GLI3: variants seen among roughly 807,000 people sequenced by gnomAD.
GLI3 encodes the protein transcription activator GLI3.
In GLI3, 20 loss-of-function variants were observed where a neutral mutation model predicts 100.8. The observed-to-expected ratio is 0.20, with a 90% CI of 0.14 to 0.29. The LOEUF is 0.29. Ranked by LOEUF, GLI3 falls within the 10% of genes least tolerant of loss-of-function variation. The pLI is 1.00. For missense variants in GLI3, 2,040 were observed against 2,128.5 expected (o/e 0.96, Z 0.82); for synonymous variants, 938 against 860.5 (o/e 1.09, Z -1.58).
At chr7:42,258,638 T>A (rs1397666739) in intron 1 of GLI3, among the ~76,000 whole-genome samples, 4 of 152,224 alleles carry the variant, frequency 2.6e-5, no homozygotes, top group Non-Finnish European at 4.4e-5. Context: ...CTCTGGAGGC[T>A]GAGAAGTCCA....
intron 2 of GLI3, among the ~76,000 whole-genome samples, chr7:42,166,005 T>C (rs1443695584): frequency 1.3e-4 from 20 of 152,130 alleles, no homozygotes. Context: ...ATGCTCCCCT[T>C]CCTAAAAATC....
At chr7:42,141,566 G>A (rs1338211539) in intron 3 of GLI3, among the ~76,000 whole-genome samples, 2 of 152,148 alleles carry the variant, frequency 1.3e-5, no homozygotes, top group Non-Finnish European at 2.9e-5. Flanking sequence ...CAGCTGCTTG[G>A]GAGGTAGAGG....
At chr7:42,047,686 T>A (rs1008284403) in intron 5 of GLI3, among the ~76,000 whole-genome samples, 1 of 152,138 alleles carries the variant, frequency 6.6e-6, no homozygotes, top group African/African-American at 2.4e-5. Flanking sequence ...TGGAAAGTAA[T>A]GGGGGGACTA....
intron 1 of GLI3, among the ~76,000 whole-genome samples, chr7:42,225,444 C>T (rs985644911): frequency 6.6e-6 from 1 of 152,216 alleles, no homozygotes; most frequent in Non-Finnish European, 1.5e-5. Flanking sequence ...ACTGCAACCT[C>T]TGCCTCCCAG....
At chr7:42,107,825 G>C (rs1045925106) in intron 3 of GLI3, among the ~76,000 whole-genome samples, 2 of 152,160 alleles carry the variant, frequency 1.3e-5, no homozygotes, top group East Asian at 3.9e-4. Flanking sequence ...TCAGCAACGC[G>C]ACCTGTGTTT....
At chr7:42,173,151 T>G (rs1787410794) in intron 2 of GLI3, among the ~76,000 whole-genome samples, 1 of 152,218 alleles carries the variant, frequency 6.6e-6, no homozygotes, top group Non-Finnish European at 1.5e-5. Flanking sequence ...AAATACTTGA[T>G]GCCTGGCTGA....
chr7:42,203,181 A>G (rs1426065341), intron 2 of GLI3, among the ~76,000 whole-genome samples: 1 of 152,256 alleles, frequency 6.6e-6, no homozygotes, highest in African/African-American at 2.4e-5. Context: ...ACATTGTGGA[A>G]CAATTAACTC....
intron 2 of GLI3, among the ~76,000 whole-genome samples, chr7:42,189,667 G>A (rs558639243): frequency 2.6e-5 from 4 of 152,134 alleles, no homozygotes; most frequent in Non-Finnish European, 5.9e-5. Flanking sequence ...ATAAAGGGGA[G>A]GAAACAGGCT....
chr7:42,263,679 T>C (rs13222439), intron 1 of GLI3, among the ~76,000 whole-genome samples: 64,219 of 151,850 alleles, frequency 0.42, 13,677 homozygotes, highest in Middle Eastern at 0.53. Flanking sequence ...TACTCCTGAC[T>C]TAAAGTGATC....
Position 42,193,959 on chromosome 7 carries a change from C to T in GLI3, c.124+29171G>A, listed in dbSNP as rs3801217. ...GCTCCCCTCCTCCGTCCCCTGAAAA[C>T]GTACTCCCTCCCTCTCCAGAAGGAC... is the stretch of plus-strand genomic sequence containing the variant. On this transcript the variant is annotated intron_variant, in intron 2 of 14. Coordinates refer to ENST00000395925, the MANE Select transcript of GLI3 (RefSeq NM_000168.6). Among the ~76,000 whole-genome samples the T allele has an allele frequency of 6.6e-3, 1,007 of 152,282 alleles. 24 individuals are homozygous for T. Among genetic ancestry groups the T allele is most frequent in the East Asian group, 0.045 (235 of 5,180 alleles).
At chr7:42,209,580 A>C (rs1015685099) in intron 2 of GLI3, among the ~76,000 whole-genome samples, 2 of 152,156 alleles carry the variant, frequency 1.3e-5, no homozygotes, top group African/African-American at 4.8e-5. Flanking sequence ...ATTCCTGTGG[A>C]AATTGGAGCC....
chr7:42,192,616 G>A (rs1029323389), intron 2 of GLI3, among the ~76,000 whole-genome samples: 1 of 152,182 alleles, frequency 6.6e-6, no homozygotes, highest in African/African-American at 2.4e-5. Flanking sequence ...AGATGGGGGC[G>A]CTGGAAAGAG....
At chr7:42,050,627 T>C (rs1197260791) in intron 4 of GLI3, among the ~76,000 whole-genome samples, 1 of 152,222 alleles carries the variant, frequency 6.6e-6, no homozygotes, top group East Asian at 1.9e-4. Context: ...AGATTTCCAC[T>C]GAGGGACTGG....
intron 6 of GLI3, among the ~76,000 whole-genome samples, chr7:42,041,228 A>C (rs770802984): frequency 2.6e-5 from 4 of 152,194 alleles, no homozygotes; most frequent in African/African-American, 4.8e-5. Context: ...AACCTTCAAG[A>C]AGATTCCACT....
At chr7:42,064,745 T>C (rs1488723118) in intron 4 of GLI3, among the ~76,000 whole-genome samples, 1 of 152,162 alleles carries the variant, frequency 6.6e-6, no homozygotes, top group Non-Finnish European at 1.5e-5. Context: ...GGGGTTCTGT[T>C]TGCAGAGCCC....
At chr7:42,057,885 G>C (rs946666362) in intron 4 of GLI3, among the ~76,000 whole-genome samples, 7 of 152,106 alleles carry the variant, frequency 4.6e-5, no homozygotes, top group African/African-American at 1.7e-4. Flanking sequence ...AGGCAGCAGG[G>C]GGCGAGGGGT....
At chr7:42,078,428 G>A (rs576486154) in intron 3 of GLI3, among the ~76,000 whole-genome samples, 2 of 152,266 alleles carry the variant, frequency 1.3e-5, no homozygotes, top group South Asian at 2.1e-4. Flanking sequence ...AAAAAACGAT[G>A]AGCATAGCAT....
In GLI3 at chr7:42,237,198, G is replaced by T; in HGVS notation, c.-270C>A. 1 of 150,192 alleles carries T rather than the reference G, an allele frequency of 6.7e-6. No homozygotes were observed. Among genetic ancestry groups the T allele is most frequent in the South Asian group, 1.9e-4 (1 of 5,266 alleles). The allele number at this position is 150,192 out of a possible 1,614,324, so 9.3% of individuals were successfully genotyped here. On this transcript the variant is annotated 5_prime_UTR_variant, in exon 1 of 15. Coordinates refer to ENST00000395925, the MANE Select transcript of GLI3 (RefSeq NM_000168.6). ...GTGAGTGGGAGCGGCGGGTGTGCGC[G>T]AGTGCGAGTGTGCGAGCGCGCCGGT...
intron 2 of GLI3, among the ~76,000 whole-genome samples, chr7:42,161,121 A>T (rs1160160405): frequency 1.3e-5 from 2 of 152,206 alleles, no homozygotes; most frequent in East Asian, 3.8e-4. Flanking sequence ...AAATCAAGCA[A>T]ATTATTTTAG....
Sources: allele counts gnomAD v4.1 joint callset (sites outside exome capture counted in the v4.1 genomes callset), GRCh38; gene constraint gnomAD v4.1.1; transcripts MANE v1.5; gene names NCBI Gene and HGNC (gene_info 2026-07-23, HGNC 2026-07-21).